ZFAND3: variants seen among roughly 807,000 people sequenced by gnomAD.
The protein encoded by ZFAND3 is zinc finger AN1-type containing 3.
ZFAND3 carries 10 observed loss-of-function variants against 29.6 expected under a neutral mutation model. That is an observed-to-expected ratio of 0.34 (90% CI 0.21 to 0.57). ZFAND3 has a LOEUF of 0.57. ZFAND3 is among the 20% of genes least tolerant of loss of function. ZFAND3 has a pLI of 0.86. For synonymous variants in ZFAND3, 128 were observed against 112.6 expected (o/e 1.14, Z -0.87); for missense variants, 230 against 304.5 (o/e 0.76, Z 1.82).
At chr6:37,901,586 C>CCA (rs1765319271) in intron 1 of ZFAND3, among the ~76,000 whole-genome samples, 1 of 152,026 alleles carries the variant, frequency 6.6e-6, no homozygotes, top group Non-Finnish European at 1.5e-5. Context: ...CCACTGTGCT[C>CCA]CAGCCTGGGT....
intron 1 of ZFAND3, among the ~76,000 whole-genome samples, chr6:37,825,245 G>A (rs1165279845): frequency 6.6e-6 from 1 of 152,138 alleles, no homozygotes; most frequent in Admixed American, 6.5e-5. Flanking sequence ...AACACAGTAT[G>A]AATTACTAAT....
chr6:38,092,610 G>A (rs140971543), intron 4 of ZFAND3, among the ~76,000 whole-genome samples: 2 of 152,140 alleles, frequency 1.3e-5, no homozygotes, highest in African/African-American at 4.8e-5. Flanking sequence ...GGAAAGTCTA[G>A]GAGTAGGACT....
At chr6:37,851,688 A>T (rs1323501636) in intron 1 of ZFAND3, among the ~76,000 whole-genome samples, 2 of 152,246 alleles carry the variant, frequency 1.3e-5, no homozygotes, top group African/African-American at 4.8e-5. Flanking sequence ...AATGAAAGGC[A>T]GTATATGTAT....
chr6:38,038,945 TTTTGA>T (rs1449371670), intron 2 of ZFAND3, among the ~76,000 whole-genome samples: 1 of 152,208 alleles, frequency 6.6e-6, no homozygotes, highest in Admixed American at 6.5e-5. Context: ...GCTGTTTTGC[TTTTGA>T]GAAGTAAAAC....
At position 38,153,260 on chromosome 6, in the gene ZFAND3, T is replaced by C. The variant is rs377521858; in HGVS notation, c.*871T>C. On this transcript the variant is annotated 3_prime_UTR_variant, in exon 6 of 6. Coordinates refer to ENST00000287218, the MANE Select transcript of ZFAND3 (RefSeq NM_021943.3). ...TGGCCTCTGCAGCCAGATTTCTATA[T>C]TGGGAGTTTTTTAAAAAGACATTTC... 2,912 of 985,446 alleles carry C rather than the reference T, an allele frequency of 3.0e-3. 10 individuals are homozygous for C. The highest frequency in any genetic ancestry group is 4.7e-3 in the Middle Eastern group (9 of 1,914). The allele number at this position is 985,446 out of a possible 1,614,324, so 61.0% of individuals were successfully genotyped here.
chr6:37,994,550 G>A (rs761018840), intron 2 of ZFAND3, among the ~76,000 whole-genome samples: 3 of 152,132 alleles, frequency 2.0e-5, no homozygotes, highest in African/African-American at 4.8e-5. Flanking sequence ...TTGTTTTGAC[G>A]TTGTATGCTT....
rs1041616842 is a variant in ZFAND3 at position 37,916,863 on chromosome 6, C to A, written c.72-13096C>A. Among the ~76,000 whole-genome samples the A allele has an allele frequency of 2.0e-5, 3 of 152,300 alleles. No individual in the cohort carries two copies. The South Asian group carries it at 6.2e-4, about 32-fold the overall frequency. ...TCTCATGCTGTTCTGCTCTGTCCTG[C>A]CCTGGTGGCGAATCATCCCCTTCTC... On this transcript the variant is annotated intron_variant, in intron 1 of 5. Transcript: ENST00000287218.
chr6:37,933,435 G>A (rs1761635216), intron 2 of ZFAND3, among the ~76,000 whole-genome samples: 1 of 152,170 alleles, frequency 6.6e-6, no homozygotes. Flanking sequence ...CTGCTAAGTG[G>A]TGAGCACACA....
intron 2 of ZFAND3, among the ~76,000 whole-genome samples, chr6:37,938,886 T>G (rs566399042): frequency 2.5e-4 from 38 of 152,270 alleles, no homozygotes; most frequent in African/African-American, 8.9e-4. Context: ...GTGGGAAAAT[T>G]GTGACCATGT....
chr6:38,081,998 A>C (rs1010203842), intron 3 of ZFAND3, among the ~76,000 whole-genome samples: 8 of 152,092 alleles, frequency 5.3e-5, no homozygotes, highest in African/African-American at 1.9e-4. Context: ...CTGCTGAGAA[A>C]CCAACCTAAG....
chr6:37,931,571 C>T (rs1438765592), intron 2 of ZFAND3, among the ~76,000 whole-genome samples: 3 of 149,952 alleles, frequency 2.0e-5, no homozygotes, highest in Non-Finnish European at 4.4e-5. Flanking sequence ...AAAAAACCAA[C>T]CAAACAAAAA....
At chr6:37,946,662 C>T (rs1761907051) in intron 2 of ZFAND3, among the ~76,000 whole-genome samples, 1 of 152,138 alleles carries the variant, frequency 6.6e-6, no homozygotes, top group Non-Finnish European at 1.5e-5. Context: ...CTTAATTTCT[C>T]ACAGCATTAT....
intron 2 of ZFAND3, among the ~76,000 whole-genome samples, chr6:37,983,589 C>A (rs914004423): frequency 2.0e-5 from 3 of 152,058 alleles, no homozygotes; most frequent in Admixed American, 6.5e-5. Context: ...GAACTCCCGA[C>A]CTCAGGTGAT....
chr6:37,841,763 G>A (rs944397637), intron 1 of ZFAND3, among the ~76,000 whole-genome samples: 5 of 152,182 alleles, frequency 3.3e-5, no homozygotes, highest in Admixed American at 2.0e-4. Context: ...GATTACAGGC[G>A]TGAGCCACCG....
chr6:37,977,918 T>G (rs923345488), intron 2 of ZFAND3, among the ~76,000 whole-genome samples: 5 of 132,420 alleles, frequency 3.8e-5, no homozygotes, highest in South Asian at 2.4e-4. Context: ...CCTTTCTTCC[T>G]TTCTTCCGTT....
At chr6:37,909,758 C>T (rs963351558) in intron 1 of ZFAND3, among the ~76,000 whole-genome samples, 3 of 151,664 alleles carry the variant, frequency 2.0e-5, no homozygotes, top group African/African-American at 7.3e-5. Flanking sequence ...TACATTCAAG[C>T]CTGTAAATAC....
chr6:38,032,214 T>G (rs1446933182), intron 2 of ZFAND3, among the ~76,000 whole-genome samples: 3 of 152,212 alleles, frequency 2.0e-5, no homozygotes, highest in Admixed American at 6.5e-5. Context: ...TAGATTACTG[T>G]AATATAATCA....
At chr6:37,882,105 T>C (rs928676881) in intron 1 of ZFAND3, among the ~76,000 whole-genome samples, 1 of 152,196 alleles carries the variant, frequency 6.6e-6, no homozygotes, top group African/African-American at 2.4e-5. Context: ...TTAGGGTCCT[T>C]TTCAGTGGTC....
intron 2 of ZFAND3, among the ~76,000 whole-genome samples, chr6:37,976,068 T>C (rs1762472110): frequency 6.6e-6 from 1 of 152,174 alleles, no homozygotes; most frequent in Non-Finnish European, 1.5e-5. Flanking sequence ...ATATTTTTTG[T>C]TGTATAGGTC....
Sources: allele counts gnomAD v4.1 joint callset (sites outside exome capture counted in the v4.1 genomes callset), GRCh38; gene constraint gnomAD v4.1.1; transcripts MANE v1.5; gene names NCBI Gene and HGNC (gene_info 2026-07-23, HGNC 2026-07-21).